Variants in CLCN7 observed in about 807,000 individuals in gnomAD.
CLCN7 encodes H(+)/Cl(-) exchange transporter 7.
Under a neutral mutation model 102.1 loss-of-function variants are expected in CLCN7, and 60 were observed. The ratio of observed to expected loss-of-function variants is 0.59; its 90% CI spans 0.48 to 0.73. CLCN7 has a LOEUF of 0.73. Among genes scored for constraint, CLCN7 ranks in the 30% least tolerant of loss-of-function variants. The pLI is 0.00. For missense variants in CLCN7, 962 were observed against 1,125.7 expected (o/e 0.85, Z 2.08); for synonymous variants, 560 against 490.5 (o/e 1.14, Z -1.87).
intron 21 of CLCN7, among the ~76,000 whole-genome samples, chr16:1,448,060 T>C (rs2038681636): frequency 6.6e-6 from 1 of 152,186 alleles, no homozygotes; most frequent in Non-Finnish European, 1.5e-5. Flanking sequence ...CACACAGCAG[T>C]GGCCGAGCTG....
At chr16:1,456,313 G>C (rs1436700294) in intron 9 of CLCN7, 107 bp from the exon 10 acceptor site, 8 of 806,678 alleles carry the variant, frequency 9.9e-6, no homozygotes, top group African/African-American at 1.7e-5. Flanking sequence ...GGGGCTTTCA[G>C]GACAACCGAG....
In CLCN7 at chr16:1,474,741, G is replaced by T. The variant is rs763640916; in HGVS notation, c.141+93C>A. On this transcript the variant is annotated intron_variant, in intron 1 of 24. Transcript: ENST00000382745. ...CCGCGCCTCGGTCGCCTCCAGGACC[G>T]AGACACGCGGCGCCGCCAGAAGGCT... 1.4e-3 allele frequency: 1,602 copies of T among 1,108,108 alleles called. 1 individual carries two copies. The highest frequency in any genetic ancestry group is 1.7e-3 in the Non-Finnish European group (1,489 of 886,178). The allele number at this position is 1,108,108 out of a possible 1,614,324, so 68.6% of individuals were successfully genotyped here.
Position 1,461,637 on chromosome 16 carries a change from G to GA in CLCN7, c.250_251insT (p.Pro84LeufsTer12). The GA allele has an allele frequency of 6.2e-7, 1 of 1,614,124 alleles. No individual in the cohort carries two copies. The highest frequency in any genetic ancestry group is 1.1e-5 in the South Asian group (1 of 91,068). On this transcript the variant is annotated frameshift_variant, in exon 3 of 25. Coordinates refer to ENST00000382745, the MANE Select transcript of CLCN7 (RefSeq NM_001287.6). LOFTEE classifies it high-confidence loss of function. ...GAGGGACAGGAGCTTCTCGTTGTGT[G>GA]GGATCTCCTTGGGGAAGGGATGTGG...
chr16:1,453,152 C>A (rs912626154), intron 14 of CLCN7, among the ~76,000 whole-genome samples: 1 of 152,264 alleles, frequency 6.6e-6, no homozygotes, highest in South Asian at 2.1e-4. Flanking sequence ...GGATTACAGG[C>A]GCCCGGCTCT....
chr16:1,452,690 AGCCTCCTGGAGGCC>A, intron 15 of CLCN7, 51 bp downstream of exon 15: 1 of 1,527,610 alleles, frequency 6.5e-7, no homozygotes, highest in Non-Finnish European at 8.8e-7. Context: ...AGCCTAAGCG[AGCCTCCTGGAGGCC>A]GCCCTGTGGC....
At position 1,448,364 on chromosome 16, in the gene CLCN7, A is replaced by G. The variant is rs1377886857; in HGVS notation, c.2004T>C (p.Asp668=). ...HNGFPVVEHA[D]DTQPARLQGL... Reference sequence around the variant, plus strand: ...ATGGGGTGCCCGGTACCTGGGTGTCATCGGCATGCTCCACCACGGGGAAGC... The same window carrying G: ...ATGGGGTGCCCGGTACCTGGGTGTCGTCGGCATGCTCCACCACGGGGAAGC... Residue 668 remains aspartate (D), a synonymous_variant, in exon 21 of 25, where the codon GAT becomes GAC. Transcript: ENST00000382745. The G allele has an allele frequency of 5.0e-6, 8 of 1,612,630 alleles. No homozygotes were observed. The highest frequency in any genetic ancestry group is 6.8e-6 in the Non-Finnish European group (8 of 1,179,956).
At chr16:1,451,966 C>A (rs960246492) in intron 15 of CLCN7, 1 of 495,326 alleles carries the variant, frequency 2.0e-6, no homozygotes, top group African/African-American at 1.9e-5. Flanking sequence ...CCGTGTCTAG[C>A]CCTGGGGGGT....
chr16:1,464,537 G>A (rs559874517), intron 2 of CLCN7, among the ~76,000 whole-genome samples: 2 of 152,266 alleles, frequency 1.3e-5, no homozygotes. Flanking sequence ...ATCTGAGCAC[G>A]GCGCCGGCCT....
chr16:1,449,376 C>A, intron 17 of CLCN7, 49 bp from the exon 18 acceptor site: 1 of 1,548,194 alleles, frequency 6.5e-7, no homozygotes, highest in Non-Finnish European at 8.8e-7. Flanking sequence ...CAGGCCCAAA[C>A]CCACCAAGAT....
chr16:1,446,918 TC>T, intron 24 of CLCN7, 87 bp downstream of exon 24: 1 of 1,295,862 alleles, frequency 7.7e-7, no homozygotes. Flanking sequence ...TGCTTCCGTG[TC>T]CCCTGCCGGG....
At chr16:1,472,741 AAAATTTTTTTT>A (rs1028143512) in intron 1 of CLCN7, 1 of 151,852 alleles carries the variant, frequency 6.6e-6, no homozygotes, top group African/African-American at 2.4e-5. Context: ...TTTAATTAAA[AAAATTTTTTTT>A]AAATTTTTTG....
chr16:1,461,538 C>T (rs568513442), intron 3 of CLCN7, 65 bp downstream of exon 3: 3 of 1,608,284 alleles, frequency 1.9e-6, no homozygotes, highest in Admixed American at 1.7e-5. Flanking sequence ...GCACAGGGGA[C>T]CGGGAGTGGG....
At chr16:1,469,923 G>A (rs977160767) in intron 1 of CLCN7, among the ~76,000 whole-genome samples, 3 of 152,210 alleles carry the variant, frequency 2.0e-5, no homozygotes, top group African/African-American at 4.8e-5. Context: ...ACGACGGGCC[G>A]GAGGACACTG....
At chr16:1,454,356 T>C in intron 13 of CLCN7, 55 bp downstream of exon 13, 1 of 1,572,626 alleles carries the variant, frequency 6.4e-7, no homozygotes, top group Non-Finnish European at 8.7e-7. Context: ...TATGGCCACG[T>C]CACAGCTGAG....
At chr16:1,469,177 G>A (rs1470731723) in intron 1 of CLCN7, among the ~76,000 whole-genome samples, 6 of 151,986 alleles carry the variant, frequency 3.9e-5, no homozygotes, top group Non-Finnish European at 1.5e-5. Flanking sequence ...CTGTATTCCA[G>A]CCTGGGCAAC....
At chr16:1,462,677 A>AAC (rs369449895) in intron 2 of CLCN7, among the ~76,000 whole-genome samples, 16,715 of 146,718 alleles carry the variant, frequency 0.11, 1,161 homozygotes, top group African/African-American at 0.15. Context: ...AAAAAAAAAA[A>AAC]AAAAAAAAAA....
In CLCN7 at chr16:1,454,306, G is replaced by GGGCAGGCTCCAGGGAGC. The variant is rs2038799680; in HGVS notation, c.1153+88_1153+104dup. Reference sequence around the variant, plus strand: ...AGGCCCCCGGGTGGCCCTGGGATGAGGGCAGGCTCCAGGGAGCCACAGCCT... The same window carrying GGGCAGGCTCCAGGGAGC: ...AGGCCCCCGGGTGGCCCTGGGATGAGGGCAGGCTCCAGGGAGCGGCAGGCTCCAGGGAGCCACAGCCT... On this transcript the variant is annotated intron_variant, in intron 13 of 24. Transcript: ENST00000382745. 1.6e-5 allele frequency: 20 copies of GGGCAGGCTCCAGGGAGC among 1,227,254 alleles called. 1 individual carries two copies. The South Asian group carries it at 2.2e-4, about 13-fold the overall frequency. The allele number at this position is 1,227,254 out of a possible 1,614,324, so 76.0% of individuals were successfully genotyped here. A position where few individuals can be genotyped will look rare whatever the true frequency, so the allele number is the denominator to read the frequency against.
At chr16:1,455,101 G>C in intron 12 of CLCN7, 33 bp downstream of exon 12, 1 of 1,202,742 alleles carries the variant, frequency 8.3e-7, no homozygotes, top group Non-Finnish European at 1.2e-6. Flanking sequence ...ACCAGGATAC[G>C]AGGTGGGCGA....
In CLCN7 at chr16:1,447,059, G is replaced by A; in HGVS notation, c.2278C>T (p.Leu760=). The change falls in exon 24 of 25, where the codon CTG becomes TTG. Residue 760 remains leucine (L), a synonymous_variant. Coordinates refer to ENST00000382745, the MANE Select transcript of CLCN7 (RefSeq NM_001287.6). ...TGCCGCAGGCCCAGGGCCCGGAACA[G>A]CTTGAACACCCGTGGGAGCGACGCC... is the stretch of plus-strand genomic sequence containing the variant. ...QEASLPRVFK[L]FRALGLRHLV... is the part of the protein sequence containing the mutation. The A allele has an allele frequency of 6.2e-7, 1 of 1,602,808 alleles. No homozygotes were observed. Among genetic ancestry groups the A allele is most frequent in the Non-Finnish European group, 8.5e-7 (1 of 1,178,420 alleles).
Sources: gnomAD v4.1 joint callset for allele counts (sites outside exome capture counted in the v4.1 genomes callset) on GRCh38, gnomAD v4.1.1 for gene constraint, MANE v1.5 for transcripts, NCBI Gene and HGNC (gene_info 2026-07-23, HGNC 2026-07-21) for gene names.